COL20A1: variants seen among roughly 807,000 people sequenced by gnomAD.
COL20A1 encodes the protein collagen alpha-1(XX) chain.
COL20A1 carries 164 observed loss-of-function variants against 152.9 expected under a neutral mutation model. The observed-to-expected ratio is 1.07, with a 90% CI of 0.94 to 1.22. COL20A1 has a LOEUF of 1.22. COL20A1 is among the 50% of genes most tolerant of loss of function. COL20A1 has a pLI of 0.00. For missense variants in COL20A1, 1,873 were observed against 1,744.8 expected (o/e 1.07, Z -1.31); for synonymous variants, 864 against 756.0 (o/e 1.14, Z -2.34).
In COL20A1 at chr20:63,334,043, C is replaced by T. The variant is rs1054052466; in HGVS notation, c.*3327C>T. 17 of 152,214 alleles carry T rather than the reference C, an allele frequency of 1.1e-4. No individual in the cohort carries two copies. Among genetic ancestry groups the T allele is most frequent in the African/African-American group, 3.1e-4 (13 of 41,438 alleles). The allele number at this position is 152,214 out of a possible 1,614,324, so 9.4% of individuals were successfully genotyped here. ...ACGATGTCATAATACAGCCCCCCAT[C>T]GTGATCTGATGGTAAGTACAGAACT... is the stretch of plus-strand genomic sequence containing the variant. On this transcript the variant is annotated 3_prime_UTR_variant, in exon 36 of 36. Coordinates refer to ENST00000358894, the MANE Select transcript of COL20A1 (RefSeq NM_020882.4).
At chr20:63,299,206 C>T (rs1328644140) in intron 3 of COL20A1, among the ~76,000 whole-genome samples, 2 of 152,112 alleles carry the variant, frequency 1.3e-5, no homozygotes, top group Admixed American at 6.5e-5. Context: ...TGAGGGATCC[C>T]GCGTGTGTTT....
intron 10 of COL20A1, 28 bp downstream of exon 10, chr20:63,309,943 C>CG (rs367659751): frequency 1.3e-6 from 2 of 1,531,190 alleles, no homozygotes; most frequent in South Asian, 2.5e-5. Context: ...CAGGGCTCCC[C>CG]GAGCCGGTCC....
At chr20:63,325,565 A>G in intron 28 of COL20A1, 71 bp downstream of exon 28, 1 of 1,473,700 alleles carries the variant, frequency 6.8e-7, no homozygotes, top group Non-Finnish European at 9.4e-7. Context: ...GGAGATGGGG[A>G]GTGCCTGGGG....
At chr20:63,322,508 C>T (rs2068179065) in intron 27 of COL20A1, among the ~76,000 whole-genome samples, 1 of 152,172 alleles carries the variant, frequency 6.6e-6, no homozygotes, top group Non-Finnish European at 1.5e-5. Flanking sequence ...CGGGCTGGGC[C>T]CAGGAGCTTA....
chr20:63,299,161 C>T (rs924832336), intron 3 of COL20A1, among the ~76,000 whole-genome samples: 3 of 152,136 alleles, frequency 2.0e-5, no homozygotes, highest in African/African-American at 4.8e-5. Flanking sequence ...GGACATGTGG[C>T]TTGTGTCCAG....
chr20:63,301,176 G>C (rs534129524), intron 3 of COL20A1, among the ~76,000 whole-genome samples: 1 of 152,164 alleles, frequency 6.6e-6, no homozygotes, highest in African/African-American at 2.4e-5. Context: ...TTAGCTGGGC[G>C]TGGTGGCACA....
chr20:63,309,814 G>C lies in COL20A1; in HGVS notation c.1162G>C (p.Val388Leu). ...PAPTSLVLSQVTSSSIRLSWT... is the reference protein window; with the variant it reads ...PAPTSLVLSQLTSSSIRLSWT... Reference sequence around the variant, plus strand: ...CCCCACCAGCCTGGTCCTGAGCCAGGTGACCTCCTCCAGCATCCGCCTGTC... The same window carrying C: ...CCCCACCAGCCTGGTCCTGAGCCAGCTGACCTCCTCCAGCATCCGCCTGTC... The change falls in exon 10 of 36, where the codon GTG becomes CTG. Residue 388 changes from valine to leucine, a missense_variant. Transcript: ENST00000358894. The C allele has an allele frequency of 6.2e-7, 1 of 1,609,534 alleles. No homozygotes were observed. Among genetic ancestry groups the C allele is most frequent in the Non-Finnish European group, 8.5e-7 (1 of 1,178,530 alleles).
At position 63,329,219 on chromosome 20, in the gene COL20A1, C is replaced by T. The variant is rs988344083; in HGVS notation, c.3782-366C>T. On this transcript the variant is annotated intron_variant, in intron 34 of 35. Transcript: ENST00000358894. ...CGTGGGCTGTGGGAACCCCTGCCCC[C>T]GGCTTGGAAGCTGCCCACAGTGGCC... 3.0e-5 allele frequency: 7 copies of T among 235,596 alleles called. 1 individual carries two copies. The highest frequency in any genetic ancestry group is 1.0e-4 in the Admixed American group (2 of 19,840). The allele number at this position is 235,596 out of a possible 1,614,324, so 14.6% of individuals were successfully genotyped here. A position where few individuals can be genotyped will look rare whatever the true frequency, so the allele number is the denominator to read the frequency against.
rs1218523643 is a variant in COL20A1 at position 63,334,662 on chromosome 20, G to A, written c.*3946G>A. Reference sequence around the variant, plus strand: ...TGGTCTTGAACTTCTGAGCTCAAACGATCCACCCTCCTTGGCCTCCCAAAG... The same window carrying A: ...TGGTCTTGAACTTCTGAGCTCAAACAATCCACCCTCCTTGGCCTCCCAAAG... On this transcript the variant is annotated 3_prime_UTR_variant, in exon 36 of 36. Coordinates refer to ENST00000358894, the MANE Select transcript of COL20A1 (RefSeq NM_020882.4). The A allele has an allele frequency of 6.6e-6, 1 of 152,202 alleles. No homozygotes were observed. Among genetic ancestry groups the A allele is most frequent in the African/African-American group, 2.4e-5 (1 of 41,440 alleles). The allele number at this position is 152,202 out of a possible 1,614,324, so 9.4% of individuals were successfully genotyped here.
intron 1 of COL20A1, 146 bp from the exon 2 acceptor site, chr20:63,294,952 C>G: frequency 1.7e-6 from 1 of 596,520 alleles, no homozygotes; most frequent in South Asian, 2.1e-5. Flanking sequence ...GGTTGCAGGC[C>G]TCTGGTCCTC....
At position 63,294,647 on chromosome 20, in the gene COL20A1, C is replaced by T. The variant is rs545990318; in HGVS notation, c.-10-451C>T. The stretch of plus-strand genomic sequence containing the variant: ...TCTGATGACCCTTCCGCCTCCAGGG[C>T]GAGGCTGGGGCCACAGGGACTCCAC... On this transcript the variant is annotated intron_variant, in intron 1 of 35. Transcript: ENST00000358894. 1.2e-3 allele frequency among the ~76,000 whole-genome samples: 183 copies of T among 152,264 alleles called. 1 individual carries two copies. Among genetic ancestry groups the T allele is most frequent in the African/African-American group, 4.1e-3 (169 of 41,540 alleles).
chr20:63,305,409 C>G lies in COL20A1; in HGVS notation c.194-8C>G, dbSNP rs375486939. The G allele has an allele frequency of 4.0e-6, 6 of 1,509,696 alleles. No individual in the cohort carries two copies. The African/African-American group carries it at 8.5e-5, about 21-fold the overall frequency. 93.5% of individuals were successfully genotyped at this position (1,509,696 alleles called of 1,614,324 possible). ...TTGGCCTCTAAAGCTCTCCCCACCC[C>G]TACCCAGGGGACTCGGAACAGGAGG... is the stretch of plus-strand genomic sequence containing the variant. On this transcript the variant is annotated splice_region_variant and splice_polypyrimidine_tract_variant and intron_variant, in intron 3 of 35. Coordinates refer to ENST00000358894, the MANE Select transcript of COL20A1 (RefSeq NM_020882.4). The surrounding 1 kb of genome is among the most constrained non-coding windows in gnomAD (Gnocchi z 4.9).
chr20:63,297,586 C>T (rs910038570), intron 2 of COL20A1, among the ~76,000 whole-genome samples: 2 of 152,232 alleles, frequency 1.3e-5, no homozygotes, highest in Non-Finnish European at 2.9e-5. Flanking sequence ...TGAGCCTCTT[C>T]CTGGTGGGAG....
At position 63,314,221 on chromosome 20, in the gene COL20A1, C is replaced by A; in HGVS notation, c.2488+20C>A. Reference sequence around the variant, plus strand: ...AGACAGGTGAGTGGGCACCAAGACCCCAGACCCAGGTAGACCCAGCCCCAG... The same window carrying A: ...AGACAGGTGAGTGGGCACCAAGACCACAGACCCAGGTAGACCCAGCCCCAG... On this transcript the variant is annotated intron_variant, in intron 19 of 35. Transcript: ENST00000358894. The A allele has an allele frequency of 6.4e-7, 1 of 1,550,524 alleles. No individual in the cohort carries two copies. Among genetic ancestry groups the A allele is most frequent in the Non-Finnish European group, 8.7e-7 (1 of 1,146,518 alleles).
intron 3 of COL20A1, among the ~76,000 whole-genome samples, chr20:63,304,719 TCCTC>T (rs922861609): frequency 6.6e-5 from 10 of 151,740 alleles, no homozygotes; most frequent in African/African-American, 1.2e-4. Flanking sequence ...AGGTGTGGGT[TCCTC>T]CCTCCCTCCC....
intron 14 of COL20A1, 116 bp from the exon 15 acceptor site, chr20:63,312,304 C>A: frequency 7.8e-7 from 1 of 1,285,092 alleles, no homozygotes; most frequent in Non-Finnish European, 1.0e-6. Context: ...CCATTTTCCC[C>A]GTTTCTGGGG....
intron 6 of COL20A1, 55 bp from the exon 7 acceptor site, chr20:63,307,916 C>T: frequency 6.3e-6 from 10 of 1,597,806 alleles, no homozygotes; most frequent in Non-Finnish European, 8.5e-6. Flanking sequence ...GTGCCAAGCT[C>T]CCTGGGCATC....
At position 63,319,845 on chromosome 20, in the gene COL20A1, C is replaced by T. The variant is rs569197960; in HGVS notation, c.2917-194C>T. Among the ~76,000 whole-genome samples the T allele has an allele frequency of 2.0e-5, 3 of 152,280 alleles. No homozygotes were observed. The highest frequency in any genetic ancestry group is 7.2e-5 in the African/African-American group (3 of 41,574). On this transcript the variant is annotated intron_variant, in intron 23 of 35. Transcript: ENST00000358894. The surrounding 1 kb of genome is among the most constrained non-coding windows in gnomAD (Gnocchi z 4.4). ...CTCCTGCAGCAGGTGCCATTTGGTC[C>T]ATTTTACAGAGGGGAAGCCGAGGCC...
intron 30 of COL20A1, among the ~76,000 whole-genome samples, chr20:63,326,532 T>C (rs571532462): frequency 3.3e-4 from 50 of 150,938 alleles, no homozygotes; most frequent in Non-Finnish European, 5.3e-4. Context: ...AGCAGCGTGC[T>C]GACAGTGCTG....
Sources: gnomAD v4.1 joint callset for allele counts (sites outside exome capture counted in the v4.1 genomes callset) on GRCh38, gnomAD v4.1.1 for gene constraint, Gnocchi (gnomAD v3.1) non-coding constraint, MANE v1.5 for transcripts, NCBI Gene and HGNC (gene_info 2026-07-23, HGNC 2026-07-21) for gene names.